Variants in SLC13A1 observed in about 807,000 individuals in gnomAD.
The protein encoded by SLC13A1 is solute carrier family 13 member 1, also known as Na(+)/sulfate cotransporter.
A neutral mutation model predicts 70.0 loss-of-function variants in SLC13A1; 65 were observed. That is an observed-to-expected ratio of 0.93 (90% CI 0.76 to 1.14). The LOEUF is 1.14. Ranked by LOEUF, SLC13A1 falls within the 50% of genes most tolerant of loss-of-function variation. The pLI is 0.00. For synonymous variants in SLC13A1, 275 were observed against 250.5 expected (o/e 1.10, Z -0.92); for missense variants, 726 against 717.8 (o/e 1.01, Z -0.13).
chr7:123,165,896 G>C (rs964480675), intron 6 of SLC13A1, among the ~76,000 whole-genome samples: 1 of 151,958 alleles, frequency 6.6e-6, no homozygotes, highest in Admixed American at 6.6e-5. Context: ...ACTACTTATC[G>C]AATACATCCT....
Position 123,188,203 on chromosome 7 carries a change from T to C in SLC13A1, c.100-7102A>G, listed in dbSNP as rs193059021. 1.0e-3 allele frequency among the ~76,000 whole-genome samples: 152 copies of C among 152,296 alleles called. 1 individual carries two copies. In the Middle Eastern group the frequency reaches 0.01, roughly 10 times the overall value. On this transcript the variant is annotated intron_variant, in intron 1 of 14. Coordinates refer to ENST00000194130, the MANE Select transcript of SLC13A1 (RefSeq NM_022444.4). ...TTATAAGGGGCTCTTCCCCCTTAAT[T>C]TGGCACTTCTCCTTCCTGCTGCCTT... is the stretch of plus-strand genomic sequence containing the variant.
chr7:123,181,976 C>A (rs963933169), intron 1 of SLC13A1, among the ~76,000 whole-genome samples: 1 of 152,028 alleles, frequency 6.6e-6, no homozygotes, highest in African/African-American at 2.4e-5. Context: ...GATTCAACTG[C>A]CTCAGGGTGA....
At chr7:123,162,226 C>T (rs1794938721) in intron 6 of SLC13A1, among the ~76,000 whole-genome samples, 1 of 151,986 alleles carries the variant, frequency 6.6e-6, no homozygotes, top group African/African-American at 2.4e-5. Context: ...ATGTGAAGAA[C>T]TAGATTTTTG....
rs886909672 is a variant in SLC13A1 at position 123,148,155 on chromosome 7, A to G, written c.661-845T>C. 3.3e-5 allele frequency among the ~76,000 whole-genome samples: 5 copies of G among 152,244 alleles called. No homozygotes were observed. The South Asian group carries it at 1.0e-3, about 32-fold the overall frequency. ...AATCCATTTTTTTTAAGGATCATGT[A>G]ACTTGGATATCTCTTTCTCTCCCCA... On this transcript the variant is annotated intron_variant, in intron 6 of 14. Coordinates refer to ENST00000194130, the MANE Select transcript of SLC13A1 (RefSeq NM_022444.4).
chr7:123,168,556 C>T lies in SLC13A1; in HGVS notation c.559G>A (p.Val187Ile). The T allele has an allele frequency of 1.2e-6, 2 of 1,604,848 alleles. No homozygotes were observed. Among genetic ancestry groups the T allele is most frequent in the Non-Finnish European group, 1.7e-6 (2 of 1,173,362 alleles). Residue 187 changes from valine to isoleucine, a missense_variant, in exon 5 of 15, where the codon GTT becomes ATT. Physicochemically the swap from Val to Ile is conservative, Grantham distance 29 (BLOSUM62 3). Coordinates refer to ENST00000194130, the MANE Select transcript of SLC13A1 (RefSeq NM_022444.4). ...TNHGLEIDES[V>I]NGHEINERKE... ...CTCTCATTTATTTCATGTCCATTAA[C>T]ACTTTCTGCAAAACATTAAATAAAA...
Position 123,190,406 on chromosome 7 carries a change from C to G in SLC13A1, c.100-9305G>C, listed in dbSNP as rs574429382. The G allele has an allele frequency of 9.0e-4, 310 of 345,258 alleles. 2 individuals carry two copies. The highest frequency in any genetic ancestry group is 6.8e-3 in the South Asian group (304 of 44,940). 21.4% of individuals were successfully genotyped at this position (345,258 alleles called of 1,614,324 possible). A position where few individuals can be genotyped will look rare whatever the true frequency, so the allele number is the denominator to read the frequency against. On this transcript the variant is annotated intron_variant, in intron 1 of 14. Coordinates refer to ENST00000194130, the MANE Select transcript of SLC13A1 (RefSeq NM_022444.4). The stretch of plus-strand genomic sequence containing the variant: ...CTTTCATAAACAAAAAAGGCTTACT[C>G]TTTCCAGAATTGTTTAAACTCCCTT...
At chr7:123,156,696 A>G (rs1794727813) in intron 6 of SLC13A1, among the ~76,000 whole-genome samples, 1 of 152,126 alleles carries the variant, frequency 6.6e-6, no homozygotes, top group Non-Finnish European at 1.5e-5. Context: ...TGGATTCTTT[A>G]TTAGACGAAG....
intron 7 of SLC13A1, among the ~76,000 whole-genome samples, chr7:123,141,655 T>C (rs2116382531): frequency 6.6e-6 from 1 of 152,316 alleles, no homozygotes; most frequent in East Asian, 1.9e-4. Flanking sequence ...TCTTGCTGGA[T>C]TGACTTCTTT....
intron 8 of SLC13A1, among the ~76,000 whole-genome samples, chr7:123,129,705 T>C (rs1793690930): frequency 6.6e-6 from 1 of 152,176 alleles, no homozygotes; most frequent in South Asian, 2.1e-4. Context: ...TTGCTCACTT[T>C]TTCGTGTTCA....
At chr7:123,117,385 T>A (rs536059175) in intron 14 of SLC13A1, 86 bp downstream of exon 14, 1 of 1,298,546 alleles carries the variant, frequency 7.7e-7, no homozygotes, top group East Asian at 2.3e-5. Context: ...GGTGGTTGAT[T>A]GGTGTATAAA....
rs903893955 is a variant in SLC13A1, at chr7:123,114,787, A to G, written c.*731T>C. On this transcript the variant is annotated 3_prime_UTR_variant, in exon 15 of 15. Transcript: ENST00000194130. ...AGCAAGCCTTATCCATAGCTCTACA[A>G]AATGAATTTCTCAGTGTGCCAATAT... 7 of 152,216 alleles carry G rather than the reference A, an allele frequency of 4.6e-5. No individual in the cohort carries two copies. The highest frequency in any genetic ancestry group is 1.4e-4 in the African/African-American group (6 of 41,462). 9.4% of individuals were successfully genotyped at this position (152,216 alleles called of 1,614,324 possible). A position where few individuals can be genotyped will look rare whatever the true frequency, so the allele number is the denominator to read the frequency against.
chr7:123,162,496 A>G (rs1394562556), intron 6 of SLC13A1, among the ~76,000 whole-genome samples: 1 of 152,110 alleles, frequency 6.6e-6, no homozygotes, highest in Non-Finnish European at 1.5e-5. Flanking sequence ...CTGCATGAAT[A>G]AAAGGAAACC....
intron 9 of SLC13A1, 147 bp from the exon 10 acceptor site, chr7:123,129,093 A>C (rs569063323): frequency 5.7e-6 from 4 of 702,092 alleles, no homozygotes; most frequent in Non-Finnish European, 9.8e-6. Context: ...GCATCAGTGC[A>C]GTTTGAAAAA....
intron 2 of SLC13A1, among the ~76,000 whole-genome samples, chr7:123,179,007 C>T (rs920407456): frequency 9.2e-5 from 14 of 151,840 alleles, no homozygotes; most frequent in African/African-American, 2.7e-4. Flanking sequence ...TCTTAAGTCT[C>T]ATTGACAAAC....
intron 2 of SLC13A1, among the ~76,000 whole-genome samples, chr7:123,172,467 A>T (rs1460072549): frequency 1.3e-5 from 2 of 152,204 alleles, no homozygotes; most frequent in African/African-American, 4.8e-5. Context: ...CCAAAAATAC[A>T]AAATACTAGC....
chr7:123,171,800 T>C lies in SLC13A1; in HGVS notation c.333A>G (p.Lys111=), dbSNP rs779507571. ...GATTTACACCAACCATCATCACCAT[T>C]TTCAGAGCAATTCTCTTGTGCAAAT... is the stretch of plus-strand genomic sequence containing the variant. ...KWNLHKRIAL[K]MVMMVGVNPA... is the part of the protein sequence containing the mutation. Residue 111 remains lysine (K), a synonymous_variant, in exon 3 of 15, where the codon AAA becomes AAG. Coordinates refer to ENST00000194130, the MANE Select transcript of SLC13A1 (RefSeq NM_022444.4). 2 of 1,613,828 alleles carry C rather than the reference T, an allele frequency of 1.2e-6. No homozygotes were observed. The highest frequency in any genetic ancestry group is 2.7e-5 in the African/African-American group (2 of 74,926).
intron 6 of SLC13A1, chr7:123,148,508 C>T: frequency 2.2e-6 from 1 of 453,290 alleles, no homozygotes; most frequent in Non-Finnish European, 4.4e-6. Flanking sequence ...AAGCCAAAAG[C>T]AACTTCATTC....
At chr7:123,183,681 C>T (rs1314352433) in intron 1 of SLC13A1, among the ~76,000 whole-genome samples, 1 of 152,260 alleles carries the variant, frequency 6.6e-6, no homozygotes, top group Admixed American at 6.5e-5. Context: ...AGCCCTTCCC[C>T]AGACACACTG....
At chr7:123,191,350 C>G (rs1037966860) in intron 1 of SLC13A1, among the ~76,000 whole-genome samples, 2 of 152,148 alleles carry the variant, frequency 1.3e-5, no homozygotes, top group African/African-American at 4.8e-5. Context: ...ATTTTCCAGC[C>G]CTTAGTTTCT....
Sources: allele counts gnomAD v4.1 joint callset (sites outside exome capture counted in the v4.1 genomes callset), GRCh38; gene constraint gnomAD v4.1.1; transcripts MANE v1.5; gene names NCBI Gene and HGNC (gene_info 2026-07-23, HGNC 2026-07-21).